SETBP1: variants seen among roughly 807,000 people sequenced by gnomAD.
SETBP1 encodes the protein SET binding protein 1.
SETBP1 carries 9 observed loss-of-function variants against 101.0 expected under a neutral mutation model. That is an observed-to-expected ratio of 0.09 (90% CI 0.05 to 0.16). The LOEUF (loss-of-function observed/expected upper bound fraction) is 0.16. SETBP1 is among the 10% of genes least tolerant of loss of function. SETBP1 has a pLI of 1.00. For missense variants in SETBP1, 1,858 were observed against 2,033.8 expected (o/e 0.91, Z 1.66); for synonymous variants, 818 against 788.5 (o/e 1.04, Z -0.63).
chr18:44,742,325 C>T (rs1185283718), intron 2 of SETBP1, among the ~76,000 whole-genome samples: 2 of 152,218 alleles, frequency 1.3e-5, no homozygotes, highest in East Asian at 3.9e-4. Flanking sequence ...AGCTTTGCTC[C>T]TTGGCTACTG....
chr18:44,859,114 G>A (rs586125), intron 2 of SETBP1, among the ~76,000 whole-genome samples: 125,320 of 152,056 alleles, frequency 0.82, 51,889 homozygotes, highest in African/African-American at 0.91. Context: ...AAACTTGTTT[G>A]GGGAGAGAAG....
rs2071345317 is a variant in SETBP1, at chr18:44,951,329, C to G, written c.1989C>G (p.Ile663Met). ...GKLGVLDKKT[I>M]KTINKMKTLK... Reference sequence around the variant, plus strand: ...TCGGCGTGTTGGATAAGAAGACCATCAAAACTATCAATAAGATGAAGACAC... The same window carrying G: ...TCGGCGTGTTGGATAAGAAGACCATGAAAACTATCAATAAGATGAAGACAC... The change falls in exon 4 of 6, where the codon ATC (isoleucine) becomes ATG (methionine). Residue 663 changes from isoleucine to methionine, a missense_variant. Ile to Met is a conservative substitution (Grantham distance 10, BLOSUM62 1). This residue lies in a region of SETBP1 where 111 missense variants were observed against 119.3 expected (regional missense o/e 0.93). Coordinates refer to ENST00000649279, the MANE Select transcript of SETBP1 (RefSeq NM_015559.3). This position sits in a 1 kb window ranked among gnomAD's most constrained non-coding sequence, Gnocchi z 7.8. 1 of 1,613,746 alleles carries G rather than the reference C, an allele frequency of 6.2e-7. No homozygotes were observed. The highest frequency in any genetic ancestry group is 1.3e-5 in the African/African-American group (1 of 75,048).
At chr18:44,941,557 C>A (rs375900951) in intron 3 of SETBP1, among the ~76,000 whole-genome samples, 1 of 152,054 alleles carries the variant, frequency 6.6e-6, no homozygotes, top group South Asian at 2.1e-4. Flanking sequence ...ATACACTAAT[C>A]TTTTGGTATT....
At chr18:44,851,807 C>T (rs572843385) in intron 2 of SETBP1, among the ~76,000 whole-genome samples, 9 of 152,330 alleles carry the variant, frequency 5.9e-5, no homozygotes, top group Non-Finnish European at 1.0e-4. Flanking sequence ...GAATGCTAGC[C>T]TCCAGAGGTG....
intron 3 of SETBP1, among the ~76,000 whole-genome samples, chr18:44,879,626 C>G (rs2069485084): frequency 6.6e-6 from 1 of 152,080 alleles, no homozygotes; most frequent in African/African-American, 2.4e-5. Flanking sequence ...ATAAAGGAAA[C>G]CCACAAAACC....
intron 3 of SETBP1, among the ~76,000 whole-genome samples, chr18:44,906,461 C>T (rs1198115578): frequency 6.6e-6 from 1 of 152,100 alleles, no homozygotes; most frequent in Non-Finnish European, 1.5e-5. Context: ...TTAGACAAAC[C>T]ATTCCTCATA....
chr18:44,790,724 C>A (rs889939484), intron 2 of SETBP1, among the ~76,000 whole-genome samples: 21 of 152,138 alleles, frequency 1.4e-4, no homozygotes, highest in African/African-American at 5.1e-4. Context: ...TTTATTTGGT[C>A]TGGGAGGTGC....
intron 2 of SETBP1, among the ~76,000 whole-genome samples, chr18:44,778,685 C>A (rs1320602910): frequency 6.6e-6 from 1 of 152,174 alleles, no homozygotes; most frequent in Non-Finnish European, 1.5e-5. Flanking sequence ...AGTGTTTGGC[C>A]CCTTCCTTTT....
intron 3 of SETBP1, among the ~76,000 whole-genome samples, chr18:44,943,097 G>A (rs558682900): frequency 6.6e-6 from 1 of 152,218 alleles, no homozygotes; most frequent in Non-Finnish European, 1.5e-5. Flanking sequence ...ACTACCAGTA[G>A]CAAATGCAGG....
chr18:44,915,299 T>G (rs1411649524), intron 3 of SETBP1, among the ~76,000 whole-genome samples: 1 of 152,162 alleles, frequency 6.6e-6, no homozygotes, highest in African/African-American at 2.4e-5. Flanking sequence ...TGGGGTTTTA[T>G]TTGGTGGCTC....
chr18:44,911,277 T>C (rs937570840), intron 3 of SETBP1, among the ~76,000 whole-genome samples: 18 of 152,174 alleles, frequency 1.2e-4, no homozygotes, highest in African/African-American at 4.3e-4. Context: ...TGTCTTAGAG[T>C]ATATAACTGA....
At chr18:44,685,579 G>A (rs1169120817) in intron 1 of SETBP1, among the ~76,000 whole-genome samples, 1 of 152,154 alleles carries the variant, frequency 6.6e-6, no homozygotes, top group Admixed American at 6.5e-5. Context: ...TGGCAAGTCA[G>A]TTAACCTCTC....
chr18:44,959,668 A>G (rs1599379432), intron 4 of SETBP1, among the ~76,000 whole-genome samples: 2 of 152,126 alleles, frequency 1.3e-5, no homozygotes, highest in African/African-American at 2.4e-5. Flanking sequence ...AGGGCTGTCC[A>G]AGTGACTTGT....
chr18:45,059,799 A>T (rs1349042650), intron 5 of SETBP1, among the ~76,000 whole-genome samples: 1 of 152,224 alleles, frequency 6.6e-6, no homozygotes, highest in Non-Finnish European at 1.5e-5. Flanking sequence ...TCGCCATCTT[A>T]GAAAACTCTG....
chr18:44,859,700 G>A (rs946989983), intron 2 of SETBP1, among the ~76,000 whole-genome samples: 2 of 152,146 alleles, frequency 1.3e-5, no homozygotes, highest in African/African-American at 4.8e-5. Context: ...AGAAGAACAG[G>A]CAAAAGTAGG....
At chr18:44,868,696 G>GGACGGAAGGA in intron 2 of SETBP1, among the ~76,000 whole-genome samples, 1 of 107,270 alleles carries the variant, frequency 9.3e-6, no homozygotes, top group African/African-American at 3.6e-5. Context: ...GAGAGAGAGA[G>GGACGGAAGGA]AGGACGGAAG....
At chr18:44,683,591 T>A (rs1012716670) in intron 1 of SETBP1, among the ~76,000 whole-genome samples, 1 of 152,210 alleles carries the variant, frequency 6.6e-6, no homozygotes, top group Non-Finnish European at 1.5e-5. Context: ...TTATTTTTAG[T>A]TGTACTTCAA....
rs758616137 is a variant in SETBP1 at position 44,701,703 on chromosome 18, T to G, written c.357T>G (p.Asn119Lys). Residue 119 changes from asparagine (N) to lysine (K), a missense_variant, in exon 2 of 6, where the codon AAT becomes AAG. This residue lies in a region of SETBP1 where 28 missense variants were observed against 59.2 expected (regional missense o/e 0.47). Transcript: ENST00000649279. Reference sequence around the variant, plus strand: ...AGCGGGCTAAGAAACCCCCAAAGAATTTGGAGAACTATATATGTCCACCTG... The same window carrying G: ...AGCGGGCTAAGAAACCCCCAAAGAAGTTGGAGAACTATATATGTCCACCTG... ...TTKRAKKPPK[N>K]LENYICPPEI... 2 of 1,613,842 alleles carry G rather than the reference T, an allele frequency of 1.2e-6. No homozygotes were observed. Among genetic ancestry groups the G allele is most frequent in the African/African-American group, 2.7e-5 (2 of 74,834 alleles).
At chr18:44,995,829 G>T (rs562339339) in intron 4 of SETBP1, among the ~76,000 whole-genome samples, 1 of 152,098 alleles carries the variant, frequency 6.6e-6, no homozygotes, top group Non-Finnish European at 1.5e-5. Flanking sequence ...AGCGCTTGTT[G>T]TATTATATAG....
Sources: allele counts gnomAD v4.1 joint callset (sites outside exome capture counted in the v4.1 genomes callset), GRCh38; gene constraint gnomAD v4.1.1; regional missense constraint gnomAD v4.1.1; non-coding constraint Gnocchi (gnomAD v3.1); transcripts MANE v1.5; gene names NCBI Gene and HGNC (gene_info 2026-07-23, HGNC 2026-07-21).